HACE1: variants seen among roughly 807,000 people sequenced by gnomAD.
HACE1 encodes the protein E3 ubiquitin-protein ligase HACE1.
Under a neutral mutation model 118.4 loss-of-function variants are expected in HACE1, and 73 were observed. The observed-to-expected ratio is 0.62, with a 90% CI of 0.51 to 0.75. HACE1 has a LOEUF of 0.75. HACE1 is among the 30% of genes least tolerant of loss of function. The pLI is 0.00. For synonymous variants in HACE1, 368 were observed against 374.8 expected (o/e 0.98, Z 0.21); for missense variants, 749 against 1,102.2 (o/e 0.68, Z 4.54).
intron 6 of HACE1, among the ~76,000 whole-genome samples, chr6:104,832,806 G>A (rs1192023217): frequency 6.6e-6 from 1 of 152,002 alleles, no homozygotes; most frequent in Non-Finnish European, 1.5e-5. Context: ...GGCTGAGGTG[G>A]AAGGATCATT....
chr6:104,823,816 A>G (rs1773040465), intron 6 of HACE1, among the ~76,000 whole-genome samples: 2 of 152,066 alleles, frequency 1.3e-5, no homozygotes, highest in Admixed American at 6.6e-5. Flanking sequence ...CTAAAATAGG[A>G]AGGGAAAGGA....
chr6:104,805,817 C>T (rs545537202), intron 7 of HACE1, among the ~76,000 whole-genome samples: 59 of 151,924 alleles, frequency 3.9e-4, no homozygotes, highest in African/African-American at 1.4e-3. Context: ...AACAAACCCG[C>T]ACGTTGTGCA....
At chr6:104,832,239 T>C (rs1774069625) in intron 6 of HACE1, among the ~76,000 whole-genome samples, 1 of 152,160 alleles carries the variant, frequency 6.6e-6, no homozygotes, top group Non-Finnish European at 1.5e-5. Flanking sequence ...AGAATGAACA[T>C]TATAAATGTT....
In HACE1 at chr6:104,744,148, A is replaced by T; in HGVS notation, c.2513+12T>A. ...TAAATTATTTCCATATTATCATAAA[A>T]ATACTGCTTACCTGCCCGTAACAAA... On this transcript the variant is annotated intron_variant, in intron 22 of 23. Coordinates refer to ENST00000262903, the MANE Select transcript of HACE1 (RefSeq NM_020771.4). 1 of 1,483,776 alleles carries T rather than the reference A, an allele frequency of 6.7e-7. No homozygotes were observed. Among genetic ancestry groups the T allele is most frequent in the Non-Finnish European group, 9.4e-7 (1 of 1,061,508 alleles). 91.9% of individuals were successfully genotyped at this position (1,483,776 alleles called of 1,614,324 possible). A position where few individuals can be genotyped will look rare whatever the true frequency, so the allele number is the denominator to read the frequency against.
chr6:104,801,962 T>A (rs1161510409), intron 7 of HACE1, among the ~76,000 whole-genome samples: 1 of 146,546 alleles, frequency 6.8e-6, no homozygotes, highest in Non-Finnish European at 1.5e-5. Context: ...AGGAGACCCA[T>A]CTCACCTGCA....
At chr6:104,839,920 T>C (rs1774929750) in intron 5 of HACE1, among the ~76,000 whole-genome samples, 1 of 152,124 alleles carries the variant, frequency 6.6e-6, no homozygotes, top group African/African-American at 2.4e-5. Context: ...GCAGGAGAAT[T>C]GCTTGAACCC....
intron 5 of HACE1, among the ~76,000 whole-genome samples, chr6:104,833,660 G>T (rs1031292415): frequency 5.9e-5 from 9 of 152,250 alleles, no homozygotes; most frequent in Non-Finnish European, 1.3e-4. Flanking sequence ...CCTGGGCAAT[G>T]TAGCAAGAAC....
chr6:104,802,996 A>C (rs1770556400), intron 7 of HACE1, among the ~76,000 whole-genome samples: 1 of 152,188 alleles, frequency 6.6e-6, no homozygotes, highest in African/African-American at 2.4e-5. Context: ...GAGAGAGAAG[A>C]ATCAAACAGA....
chr6:104,837,598 T>C (rs549909863), intron 5 of HACE1, among the ~76,000 whole-genome samples: 1 of 152,302 alleles, frequency 6.6e-6, no homozygotes, highest in Non-Finnish European at 1.5e-5. Flanking sequence ...GAGTTCTTGA[T>C]ACCAAAAGCA....
At chr6:104,824,864 G>A (rs957059882) in intron 6 of HACE1, 1 of 151,824 alleles carries the variant, frequency 6.6e-6, no homozygotes, top group African/African-American at 2.4e-5. Flanking sequence ...ACGACGTCAG[G>A]AGATTGAGAC....
chr6:104,855,483 A>G (rs1019007312), intron 1 of HACE1, among the ~76,000 whole-genome samples: 1 of 152,096 alleles, frequency 6.6e-6, no homozygotes, highest in African/African-American at 2.4e-5. Context: ...ATAAAAAGAT[A>G]ATATATCCTA....
At chr6:104,763,502 G>T (rs1248553170) in intron 19 of HACE1, among the ~76,000 whole-genome samples, 1 of 151,768 alleles carries the variant, frequency 6.6e-6, no homozygotes, top group Non-Finnish European at 1.5e-5. Context: ...CACAATCTGT[G>T]GTTGTTTGAC....
chr6:104,734,365 C>T (rs1361176356), intron 22 of HACE1, among the ~76,000 whole-genome samples: 1 of 151,960 alleles, frequency 6.6e-6, no homozygotes, highest in Non-Finnish European at 1.5e-5. Flanking sequence ...TAGAAAGATA[C>T]TTCAGTATCT....
chr6:104,730,053 C>T (rs911709700), intron 23 of HACE1, among the ~76,000 whole-genome samples: 3 of 152,198 alleles, frequency 2.0e-5, no homozygotes, highest in East Asian at 3.9e-4. Flanking sequence ...GTGCTACTTA[C>T]GGTAGTGTAA....
At chr6:104,755,275 A>C (rs1383318698) in intron 19 of HACE1, among the ~76,000 whole-genome samples, 1 of 152,220 alleles carries the variant, frequency 6.6e-6, no homozygotes, top group East Asian at 1.9e-4. Context: ...ACCAAATTCA[A>C]AAAACAAGTG....
intron 6 of HACE1, among the ~76,000 whole-genome samples, chr6:104,818,613 A>ATTGATCC (rs1325107787): frequency 5.3e-5 from 8 of 152,106 alleles, no homozygotes; most frequent in African/African-American, 1.9e-4. Flanking sequence ...CCTTGATGAA[A>ATTGATCC]TTGATGCAAA....
At chr6:104,845,367 A>AG (rs1232636870) in intron 4 of HACE1, among the ~76,000 whole-genome samples, 1 of 152,200 alleles carries the variant, frequency 6.6e-6, no homozygotes, top group Non-Finnish European at 1.5e-5. Flanking sequence ...TTAGAAAAAA[A>AG]CAACTGACAA....
intron 22 of HACE1, among the ~76,000 whole-genome samples, chr6:104,737,599 C>G (rs1014125425): frequency 6.6e-6 from 1 of 152,178 alleles, no homozygotes; most frequent in South Asian, 2.1e-4. Context: ...TCACTCCCAC[C>G]CGAATACTGC....
intron 19 of HACE1, among the ~76,000 whole-genome samples, chr6:104,763,287 A>C (rs891761763): frequency 6.6e-6 from 1 of 152,184 alleles, no homozygotes; most frequent in Non-Finnish European, 1.5e-5. Context: ...GTAGTAAAAA[A>C]ACAAATCTCA....
Sources: allele counts gnomAD v4.1 joint callset (sites outside exome capture counted in the v4.1 genomes callset), GRCh38; gene constraint gnomAD v4.1.1; transcripts MANE v1.5; gene names NCBI Gene and HGNC (gene_info 2026-07-23, HGNC 2026-07-21).